The following ZYG11B variants were observed in gnomAD, a reference collection of about 807,000 sequenced individuals.
The protein encoded by ZYG11B is protein zyg-11 homolog B.
In ZYG11B, 36 loss-of-function variants were observed where a neutral mutation model predicts 82.4. The observed-to-expected ratio is 0.44, with a 90% CI of 0.33 to 0.58. The LOEUF is 0.58. ZYG11B is among the 20% of genes least tolerant of loss of function. The pLI is 0.02. For missense variants in ZYG11B, 552 were observed against 895.6 expected (o/e 0.62, Z 4.90); for synonymous variants, 303 against 312.8 (o/e 0.97, Z 0.33).
In ZYG11B at chr1:52,771,883, G is replaced by A; in HGVS notation, c.951+109G>A. 7.5e-7 allele frequency: 1 copy of A among 1,328,184 alleles called. No homozygotes were observed. The highest frequency in any genetic ancestry group is 2.3e-5 in the Admixed American group (1 of 43,038). 82.3% of individuals were successfully genotyped at this position (1,328,184 alleles called of 1,614,324 possible). ...TATATGGAACATGTTCATGAAACAG[G>A]GCTGCATATAGTTGAAAGGCTTAGA... On this transcript the variant is annotated intron_variant, in intron 3 of 13. Transcript: ENST00000294353. This position sits in a 1 kb window ranked among gnomAD's most constrained non-coding sequence, Gnocchi z 5.4.
chr1:52,826,826 A>G lies in ZYG11B; in HGVS notation c.*5197A>G, dbSNP rs556388315. On this transcript the variant is annotated 3_prime_UTR_variant, in exon 14 of 14. Coordinates refer to ENST00000294353, the MANE Select transcript of ZYG11B (RefSeq NM_024646.3). ...TCTATTTTATTAATGTTATGTGTTT[A>G]ATTTTGGACTTATTTTGGGAAAAAC... 37 of 152,276 alleles carry G rather than the reference A, an allele frequency of 2.4e-4. No homozygotes were observed. The highest frequency in any genetic ancestry group is 4.7e-4 in the Non-Finnish European group (32 of 68,012). The allele number at this position is 152,276 out of a possible 1,614,324, so 9.4% of individuals were successfully genotyped here.
At chr1:52,772,452 A>G in intron 3 of ZYG11B, 2 of 1,577,066 alleles carry the variant, frequency 1.3e-6, no homozygotes, top group Non-Finnish European at 1.7e-6. Context: ...ATTGCCTGTC[A>G]CAAAACGTAC....
At chr1:52,800,578 G>A (rs572548776) in intron 8 of ZYG11B, among the ~76,000 whole-genome samples, 40 of 152,142 alleles carry the variant, frequency 2.6e-4, no homozygotes, top group African/African-American at 8.4e-4. Context: ...GGAGGCCGGG[G>A]TGGGTGGATT....
At chr1:52,765,491 T>A (rs1644674827) in intron 2 of ZYG11B, among the ~76,000 whole-genome samples, 1 of 151,886 alleles carries the variant, frequency 6.6e-6, no homozygotes, top group Non-Finnish European at 1.5e-5. Context: ...GCCACCACAC[T>A]CAGTTTTTTG....
At chr1:52,756,345 A>G (rs534269930) in intron 1 of ZYG11B, 113 bp from the exon 2 acceptor site, 2 of 961,252 alleles carry the variant, frequency 2.1e-6, no homozygotes, top group South Asian at 3.3e-5. Context: ...AGCATATGAT[A>G]GACACTAAAG....
intron 8 of ZYG11B, among the ~76,000 whole-genome samples, chr1:52,797,010 A>AAATT (rs376135998): frequency 1.4e-5 from 1 of 70,884 alleles, no homozygotes; most frequent in Non-Finnish European, 2.4e-5. Context: ...TATATTATAT[A>AAATT]TTTATATATT....
Position 52,790,016 on chromosome 1 carries a change from G to A in ZYG11B, c.1283G>A (p.Cys428Tyr). 1 of 1,576,196 alleles carries A rather than the reference G, an allele frequency of 6.3e-7. No individual in the cohort carries two copies. The highest frequency in any genetic ancestry group is 8.6e-7 in the Non-Finnish European group (1 of 1,158,490). Residue 428 changes from cysteine to tyrosine, a missense_variant, in exon 6 of 14, where the codon TGC becomes TAC. Coordinates refer to ENST00000294353, the MANE Select transcript of ZYG11B (RefSeq NM_024646.3). ...FPNHQQLQKN[C>Y]LLSLCSDRIL... ...TTGATTCTTTAGTTACAGAAGAATT[G>A]CCTCCTTTCACTTTGCAGTGACCGG...
chr1:52,756,235 C>T (rs980913902), intron 1 of ZYG11B, among the ~76,000 whole-genome samples: 1 of 152,166 alleles, frequency 6.6e-6, no homozygotes, highest in African/African-American at 2.4e-5. Context: ...TATTTTAATA[C>T]TAAAGGGGCT....
intron 8 of ZYG11B, among the ~76,000 whole-genome samples, chr1:52,799,687 C>G (rs1354664153): frequency 6.6e-6 from 1 of 151,712 alleles, no homozygotes; most frequent in Admixed American, 6.6e-5. Context: ...CCCAGCCACT[C>G]AAGAGGCTAA....
At chr1:52,731,414 C>T (rs1644331636) in intron 1 of ZYG11B, among the ~76,000 whole-genome samples, 1 of 152,136 alleles carries the variant, frequency 6.6e-6, no homozygotes, top group South Asian at 2.1e-4. Flanking sequence ...GAAACGCTGT[C>T]CAAAAAACCT....
intron 6 of ZYG11B, among the ~76,000 whole-genome samples, chr1:52,794,791 CT>C (rs1019678790): frequency 2.6e-5 from 4 of 152,218 alleles, no homozygotes; most frequent in African/African-American, 9.7e-5. Flanking sequence ...ACATTGAGTT[CT>C]TTGGCAAATC....
intron 5 of ZYG11B, among the ~76,000 whole-genome samples, chr1:52,786,307 G>T (rs1010058483): frequency 6.6e-6 from 1 of 152,170 alleles, no homozygotes; most frequent in Non-Finnish European, 1.5e-5. Flanking sequence ...TCCTTCTGGG[G>T]TGATGGAAAT....
intron 11 of ZYG11B, 21 bp downstream of exon 11, chr1:52,813,754 C>T: frequency 6.2e-7 from 1 of 1,613,580 alleles, no homozygotes; most frequent in Admixed American, 1.7e-5. Context: ...TCCATACCAA[C>T]AAAAGACATT....
rs982617857 is a variant in ZYG11B, at chr1:52,813,645, C to T, written c.1805C>T (p.Ala602Val). 1 of 1,613,970 alleles carries T rather than the reference C, an allele frequency of 6.2e-7. No homozygotes were observed. The highest frequency in any genetic ancestry group is 1.3e-5 in the African/African-American group (1 of 74,930). Residue 602 changes from alanine to valine, a missense_variant, in exon 11 of 14, where the codon GCA becomes GTA. By Grantham distance (64) the Ala-to-Val change is moderately conservative (BLOSUM62 0). This residue lies in a region of ZYG11B where 66 missense variants were observed against 176.4 expected (regional missense o/e 0.37). Transcript: ENST00000294353. The stretch of plus-strand genomic sequence containing the variant: ...GTGGAAGTGGAAGTCAGTTACTTTG[C>T]AGCTGGAATTATTGCCCATTTAATA... ...HSVEVEVSYFAAGIIAHLISR... is the reference protein window; with the variant it reads ...HSVEVEVSYFVAGIIAHLISR...
At position 52,821,580 on chromosome 1, in the gene ZYG11B, A is replaced by G. The variant is rs1374655784; in HGVS notation, c.2186A>G (p.His729Arg). ...AGCTTAGAAAAACACATTGTGCGCC[A>G]TGGGAGGCCACCTCCCTGTAAAAAA... ...LDSLEKHIVR[H>R]GRPPPCKKQP... The change falls in exon 14 of 14, where the codon CAT (histidine) becomes CGT (arginine). Residue 729 changes from histidine (H) to arginine (R), a missense_variant. By Grantham distance (29) the His-to-Arg change is conservative. This residue lies in a region of ZYG11B where 127 missense variants were observed against 163.4 expected (regional missense o/e 0.78). Transcript: ENST00000294353. The G allele has an allele frequency of 1.9e-6, 3 of 1,614,124 alleles. No individual in the cohort carries two copies. Among genetic ancestry groups the G allele is most frequent in the Non-Finnish European group, 2.5e-6 (3 of 1,180,004 alleles).
chr1:52,771,164 G>T lies in ZYG11B; in HGVS notation c.341G>T (p.Gly114Val), dbSNP rs546070094. The change falls in exon 3 of 14, where the codon GGT (glycine) becomes GTT (valine). Residue 114 changes from glycine to valine, a missense_variant. Coordinates refer to ENST00000294353, the MANE Select transcript of ZYG11B (RefSeq NM_024646.3). This position sits in a 1 kb window ranked among gnomAD's most constrained non-coding sequence, Gnocchi z 5.4. ...HHKLVELDAT[G>V]VNADITITDI... The stretch of plus-strand genomic sequence containing the variant: ...AAGTTAGTGGAACTTGATGCCACAG[G>T]TGTGAATGCTGATATCACGATTACA... 2 of 1,614,240 alleles carry T rather than the reference G, an allele frequency of 1.2e-6. No individual in the cohort carries two copies. The highest frequency in any genetic ancestry group is 2.7e-5 in the African/African-American group (2 of 75,066).
rs1644943534 is a variant in ZYG11B, at chr1:52,790,027, CT to C, written c.1297del (p.Cys433AlafsTer68). The C allele has an allele frequency of 6.3e-7, 1 of 1,591,390 alleles. No homozygotes were observed. ...GTTACAGAAGAATTGCCTCCTTTCACTTTGCAGTGACCGGATCCTTCAAGAT... is the reference window on the plus strand; with the variant it reads ...GTTACAGAAGAATTGCCTCCTTTCACTTGCAGTGACCGGATCCTTCAAGAT... Reference protein sequence around the residue: ...QQLQKNCLLSLCSDRILQDVP... With the variant: ...QQLQKNCLLSXCSDRILQDVP... On this transcript the variant is annotated frameshift_variant, in exon 6 of 14. Coordinates refer to ENST00000294353, the MANE Select transcript of ZYG11B (RefSeq NM_024646.3). LOFTEE classifies it high-confidence loss of function.
At chr1:52,728,254 G>A (rs992265770) in intron 1 of ZYG11B, among the ~76,000 whole-genome samples, 3 of 152,180 alleles carry the variant, frequency 2.0e-5, no homozygotes, top group Non-Finnish European at 2.9e-5. Flanking sequence ...CACAGAAAGA[G>A]TGAGTTTGAG....
intron 5 of ZYG11B, among the ~76,000 whole-genome samples, chr1:52,785,888 A>G (rs1221988096): frequency 6.6e-6 from 1 of 152,212 alleles, no homozygotes; most frequent in African/African-American, 2.4e-5. Flanking sequence ...CATTGAGGGC[A>G]GTTGCCAAAC....
Sources: gnomAD v4.1 joint callset for allele counts (sites outside exome capture counted in the v4.1 genomes callset) on GRCh38, gnomAD v4.1.1 for gene constraint, gnomAD v4.1.1 regional missense constraint, Gnocchi (gnomAD v3.1) non-coding constraint, MANE v1.5 for transcripts, NCBI Gene and HGNC (gene_info 2026-07-23, HGNC 2026-07-21) for gene names.